Variants in DMD observed in about 807,000 individuals in gnomAD.
The protein encoded by DMD is mutant dystrophin.
In DMD, 63 loss-of-function variants were observed where a neutral mutation model predicts 330.1. That is an observed-to-expected ratio of 0.19 (90% confidence interval 0.16 to 0.24). The LOEUF (loss-of-function observed/expected upper bound fraction) is 0.24. DMD is among the 10% of genes least tolerant of loss of function. The pLI, the probability that DMD is intolerant of heterozygous loss-of-function variation, is 1.00. For synonymous variants in DMD, 1,223 were observed against 959.8 expected (o/e 1.27, Z -5.07); for missense variants, 3,344 against 2,684.1 (o/e 1.25, Z -5.43).
chrX:32,124,843 G>T lies in DMD; in HGVS notation c.6438+92073C>A, dbSNP rs145943546. Among the ~76,000 whole-genome samples the T allele has an allele frequency of 7.1e-3, 786 of 110,162 alleles. 15 individuals are homozygous for T. Among genetic ancestry groups the T allele is most frequent in the East Asian group, 0.057 (195 of 3,450 alleles). On this transcript the variant is annotated intron_variant, in intron 44 of 78. Coordinates refer to ENST00000357033, the MANE Select transcript of DMD (RefSeq NM_004006.3). ...GAGCAAGTGACAACCGATCAAGACC[G>T]GTAAGACGGGCAGGAAAACGTGAGT...
chrX:31,558,648 T>C (rs6631340), intron 55 of DMD, among the ~76,000 whole-genome samples: 5 of 108,296 alleles, frequency 4.6e-5, no homozygotes, highest in East Asian at 5.9e-4. Context: ...TATGTGTATA[T>C]ATATATACTA....
At chrX:31,401,492 C>T (rs1210337210) in intron 60 of DMD, among the ~76,000 whole-genome samples, 1 of 111,894 alleles carries the variant, frequency 8.9e-6, no homozygotes, top group Non-Finnish European at 1.9e-5. Flanking sequence ...TTATTAAATC[C>T]TATTTCAGCT....
At chrX:32,207,553 C>T (rs976778951) in intron 44 of DMD, among the ~76,000 whole-genome samples, 2 of 112,009 alleles carry the variant, frequency 1.8e-5, no homozygotes, top group Non-Finnish European at 3.8e-5. Context: ...AATTTCTGCT[C>T]TTAATGATAT....
intron 44 of DMD, 30 bp downstream of exon 44, chrX:32,216,886 C>A (rs1463291366): frequency 8.4e-7 from 1 of 1,186,988 alleles, no homozygotes; most frequent in African/African-American, 1.7e-5. Flanking sequence ...AAGATAAATA[C>A]AATTTCGAAA....
chrX:31,163,496 G>A (rs748994594), intron 74 of DMD, among the ~76,000 whole-genome samples: 2 of 111,782 alleles, frequency 1.8e-5, no homozygotes, highest in Non-Finnish European at 3.8e-5. Context: ...GCCTAGTTTC[G>A]TTAAATGTAT....
intron 62 of DMD, among the ~76,000 whole-genome samples, chrX:31,301,847 T>A (rs971274368): frequency 1.8e-5 from 2 of 112,072 alleles, no homozygotes; most frequent in Non-Finnish European, 3.8e-5. Context: ...CTGGTGGATA[T>A]CCACTGCAGC....
At chrX:33,334,056 C>G (rs2054217109) in intron 1 of DMD, among the ~76,000 whole-genome samples, 1 of 111,329 alleles carries the variant, frequency 9.0e-6, no homozygotes, top group Non-Finnish European at 1.9e-5. Context: ...AAATCATACA[C>G]TAACGGAAAA....
intron 43 of DMD, among the ~76,000 whole-genome samples, chrX:32,237,866 G>C (rs747046061): frequency 1.8e-5 from 2 of 111,830 alleles, no homozygotes; most frequent in East Asian, 5.7e-4. Context: ...ATGTTGCAAA[G>C]ATACAAAATC....
chrX:32,282,781 T>G (rs745338210), intron 43 of DMD, among the ~76,000 whole-genome samples: 1 of 112,433 alleles, frequency 8.9e-6, no homozygotes, highest in Non-Finnish European at 1.9e-5. Context: ...CTTAGGCAAG[T>G]CACATAACAT....
intron 2 of DMD, among the ~76,000 whole-genome samples, chrX:32,964,255 C>CAAAAAAAAAAAAAAAAAAAAAAAAAAAAA (rs781702491): frequency 8.5e-5 from 3 of 35,190 alleles, no homozygotes; most frequent in African/African-American, 3.4e-4. Flanking sequence ...GACTCCATCT[C>CAAAAAAAAAAAAAAAAAAAAAAAAAAAAA]AAAAAAAAAA....
chrX:32,896,384 A>C (rs1258362615), intron 2 of DMD, among the ~76,000 whole-genome samples: 3 of 112,105 alleles, frequency 2.7e-5, no homozygotes, highest in Non-Finnish European at 3.8e-5. Flanking sequence ...TGGTGACTTC[A>C]AGGCTCATCA....
At chrX:32,605,327 T>C (rs1237322663) in intron 12 of DMD, among the ~76,000 whole-genome samples, 1 of 110,503 alleles carries the variant, frequency 9.0e-6, no homozygotes, top group Non-Finnish European at 1.9e-5. Context: ...ATTCAGTAAA[T>C]TGTGCTGTAA....
At chrX:31,483,294 C>T (rs1352327925) in intron 57 of DMD, among the ~76,000 whole-genome samples, 6 of 110,547 alleles carry the variant, frequency 5.4e-5, no homozygotes, top group African/African-American at 2.0e-4. Flanking sequence ...GATCTGCCCG[C>T]CTTGGCCTCC....
At chrX:32,915,885 G>T (rs985508234) in intron 2 of DMD, among the ~76,000 whole-genome samples, 1 of 111,539 alleles carries the variant, frequency 9.0e-6, no homozygotes, top group Non-Finnish European at 1.9e-5. Context: ...TGGGTATTTT[G>T]TATGATTTTT....
chrX:32,568,833 C>A (rs751152007), intron 15 of DMD, among the ~76,000 whole-genome samples: 1 of 111,827 alleles, frequency 8.9e-6, no homozygotes, highest in South Asian at 3.8e-4. Flanking sequence ...TCATAGAATT[C>A]ATTAGAATTA....
intron 59 of DMD, among the ~76,000 whole-genome samples, chrX:31,463,491 T>C (rs2094830910): frequency 8.9e-6 from 1 of 111,839 alleles, no homozygotes; most frequent in South Asian, 3.7e-4. Context: ...ATTTTGAAAA[T>C]TGTAATTGTC....
At position 31,715,542 on chromosome X, in the gene DMD, CA is replaced by C. The variant is rs34808252; in HGVS notation, c.7660+14088del. 9.0e-3 allele frequency among the ~76,000 whole-genome samples: 456 copies of C among 50,500 alleles called. 1 individual carries two copies. The highest frequency in any genetic ancestry group is 0.052 in the Middle Eastern group (4 of 77). The allele number at this position is 50,500 out of a possible 115,157, so 43.9% of individuals were successfully genotyped here. On this transcript the variant is annotated intron_variant, in intron 52 of 78. Transcript: ENST00000357033. ...TGGGCGACAGAGCGAAACTCCGTCTCAAAAAAAAAAAAAAAAAAAAATTAAG... is the reference window on the plus strand; with the variant it reads ...TGGGCGACAGAGCGAAACTCCGTCTCAAAAAAAAAAAAAAAAAAAATTAAG...
At chrX:32,759,686 T>C (rs774141604) in intron 7 of DMD, among the ~76,000 whole-genome samples, 1 of 112,077 alleles carries the variant, frequency 8.9e-6, no homozygotes, top group South Asian at 3.7e-4. Context: ...ATTTTTGGTT[T>C]CATATATAAT....
chrX:32,667,978 TAA>T (rs113039155), intron 9 of DMD, among the ~76,000 whole-genome samples: 2 of 101,487 alleles, frequency 2.0e-5, no homozygotes, highest in Non-Finnish European at 4.0e-5. Context: ...TGTCACTATT[TAA>T]AAAAAAAAAA....
Sources: allele counts gnomAD v4.1 joint callset (sites outside exome capture counted in the v4.1 genomes callset), GRCh38; gene constraint gnomAD v4.1.1; transcripts MANE v1.5; gene names NCBI Gene and HGNC (gene_info 2026-07-23, HGNC 2026-07-21).